Variants in PEA15 observed in about 807,000 individuals in gnomAD.
PEA15 encodes proliferation and apoptosis adaptor protein 15.
For synonymous variants in PEA15, 60 were observed against 61.8 expected (o/e 0.97, Z 0.13); for missense variants, 77 against 161.3 (o/e 0.48, Z 2.83).
At chr1:160,209,852 GC>G (rs1015128357) in intron 1 of PEA15, among the ~76,000 whole-genome samples, 5 of 152,234 alleles carry the variant, frequency 3.3e-5, no homozygotes, top group Admixed American at 6.5e-5. Context: ...AGAGCTTGCT[GC>G]TGTGACCTAG....
intron 1 of PEA15, among the ~76,000 whole-genome samples, chr1:160,210,103 T>C (rs1205485796): frequency 6.6e-6 from 1 of 152,204 alleles, no homozygotes; most frequent in Non-Finnish European, 1.5e-5. Context: ...GGTAGGGGGC[T>C]GGGAATGGGG....
At chr1:160,211,450 G>A in intron 1 of PEA15, 93 bp from the exon 2 acceptor site, 3 of 1,420,312 alleles carry the variant, frequency 2.1e-6, no homozygotes, top group Non-Finnish European at 2.8e-6. Context: ...GCCTGGTAGG[G>A]CAGAGTGGGG....
chr1:160,208,604 C>T lies in PEA15; in HGVS notation c.-2-2939C>T, dbSNP rs1461465339. 1 of 1,550,406 alleles carries T rather than the reference C, an allele frequency of 6.4e-7. No individual in the cohort carries two copies. Among genetic ancestry groups the T allele is most frequent in the Non-Finnish European group, 8.7e-7 (1 of 1,146,808 alleles). Reference sequence around the variant, plus strand: ...TCTGAATCTCTGGTGAGGAAAGTGACATGGAGGATGAAGGAAACAAGCTCT... The same window carrying T: ...TCTGAATCTCTGGTGAGGAAAGTGATATGGAGGATGAAGGAAACAAGCTCT... On this transcript the variant is annotated intron_variant, in intron 1 of 3. Coordinates refer to ENST00000360472, the MANE Select transcript of PEA15 (RefSeq NM_003768.5). The surrounding 1 kb of genome is among the most constrained non-coding windows in gnomAD (Gnocchi z 4.1).
Position 160,213,165 on chromosome 1 carries a change from C to T in PEA15, c.228C>T (p.Leu76=). 6.2e-7 allele frequency: 1 copy of T among 1,614,172 alleles called. No homozygotes were observed. Among genetic ancestry groups the T allele is most frequent in the East Asian group, 2.2e-5 (1 of 44,882 alleles). The change falls in exon 3 of 4, where the codon CTC becomes CTT. Residue 76 remains leucine (L), a synonymous_variant. Coordinates refer to ENST00000360472, the MANE Select transcript of PEA15 (RefSeq NM_003768.5). The surrounding 1 kb of genome is among the most constrained non-coding windows in gnomAD (Gnocchi z 5.3). Reference sequence around the variant, plus strand: ...AGATCTCCCGCCGTCCTGACCTACTCACTATGGTGGTTGACTACAGAACCC... The same window carrying T: ...AGATCTCCCGCCGTCCTGACCTACTTACTATGGTGGTTGACTACAGAACCC... The part of the protein sequence containing the change: ...IFEISRRPDL[L]TMVVDYRTRV...
chr1:160,207,179 A>C (rs1654635984), intron 1 of PEA15: 1 of 152,650 alleles, frequency 6.6e-6, no homozygotes, highest in Non-Finnish European at 1.5e-5. Context: ...TCAGATGGGG[A>C]CAGTGAAGCA....
chr1:160,208,773 G>C lies in PEA15; in HGVS notation c.-2-2770G>C. The C allele has an allele frequency of 1.1e-6, 1 of 942,736 alleles. No homozygotes were observed. Among genetic ancestry groups the C allele is most frequent in the Non-Finnish European group, 1.7e-6 (1 of 605,716 alleles). 58.4% of individuals were successfully genotyped at this position (942,736 alleles called of 1,614,324 possible). A position where few individuals can be genotyped will look rare whatever the true frequency, so the allele number is the denominator to read the frequency against. On this transcript the variant is annotated intron_variant, in intron 1 of 3. Transcript: ENST00000360472. The surrounding 1 kb of genome is among the most constrained non-coding windows in gnomAD (Gnocchi z 4.1). ...GCAAATGGATCTCTCCAAGAAGGGA[G>C]GCAACTGGGCTGCCTTTCCTTGTAC...
chr1:160,209,458 C>T (rs1197525560), intron 1 of PEA15, among the ~76,000 whole-genome samples: 2 of 152,094 alleles, frequency 1.3e-5, no homozygotes, highest in East Asian at 1.9e-4. Flanking sequence ...TTCCCGCCTA[C>T]CTCCTCTGTA....
Position 160,208,884 on chromosome 1 carries a change from G to A in PEA15, c.-2-2659G>A, listed in dbSNP as rs1462993281. 4.7e-5 allele frequency: 26 copies of A among 551,240 alleles called. 1 individual carries two copies. Among genetic ancestry groups the A allele is most frequent in the Non-Finnish European group, 7.1e-5 (22 of 308,562 alleles). The allele number at this position is 551,240 out of a possible 1,614,324, so 34.1% of individuals were successfully genotyped here. On this transcript the variant is annotated intron_variant, in intron 1 of 3. Transcript: ENST00000360472. This position sits in a 1 kb window ranked among gnomAD's most constrained non-coding sequence, Gnocchi z 4.1. ...TCCCATCTAGTGGTGTCATCCTAAC[G>A]ACTGGGGGTGGGGGGCACCCAGAAC...
rs1654515143 is a variant in PEA15, at chr1:160,205,434, C to CGGCGGCGGGAGCCGAGGA, written c.-86_-85insCGGGAGCCGAGGAGGCGG. ...GCGGCGGCAGAAGCGGCGGCGGCGG[C>CGGCGGCGGGAGCCGAGGA]GGCGGGAGCCGAGGAGGAGGTTCCG... On this transcript the variant is annotated 5_prime_UTR_variant, in exon 1 of 4. Transcript: ENST00000360472. This position sits in a 1 kb window ranked among gnomAD's most constrained non-coding sequence, Gnocchi z 5.9. 5.3e-6 allele frequency: 1 copy of CGGCGGCGGGAGCCGAGGA among 190,068 alleles called. No homozygotes were observed. Among genetic ancestry groups the CGGCGGCGGGAGCCGAGGA allele is most frequent in the Non-Finnish European group, 1.0e-5 (1 of 96,744 alleles). The allele number at this position is 190,068 out of a possible 1,614,324, so 11.8% of individuals were successfully genotyped here.
Position 160,213,813 on chromosome 1 carries a change from A to AT in PEA15, c.*328dup. 1 of 316,498 alleles carries AT rather than the reference A, an allele frequency of 3.2e-6. No homozygotes were observed. Among genetic ancestry groups the AT allele is most frequent in the Non-Finnish European group, 6.0e-6 (1 of 165,924 alleles). 19.6% of individuals were successfully genotyped at this position (316,498 alleles called of 1,614,324 possible). ...TACTTCCCTTTCCTCCACTCCCCCC[A>AT]TATCTTTAAAGTGTGGAAGCAGAAA... On this transcript the variant is annotated 3_prime_UTR_variant, in exon 4 of 4. Transcript: ENST00000360472. This position sits in a 1 kb window ranked among gnomAD's most constrained non-coding sequence, Gnocchi z 5.3.
intron 1 of PEA15, chr1:160,206,137 TATACAC>T (rs1429044398): frequency 1.3e-5 from 2 of 152,434 alleles, no homozygotes; most frequent in East Asian, 1.9e-4. Context: ...CCATGTGACT[TATACAC>T]ATAGTCTAGC....
At chr1:160,206,807 A>G (rs1654612181) in intron 1 of PEA15, among the ~76,000 whole-genome samples, 1 of 152,152 alleles carries the variant, frequency 6.6e-6, no homozygotes, top group African/African-American at 2.4e-5. Flanking sequence ...GGAGTTAGGG[A>G]AAGTGGTACG....
Position 160,213,519 on chromosome 1 carries a change from TTCA to T in PEA15, c.*37_*39del, listed in dbSNP as rs1242858153. On this transcript the variant is annotated 3_prime_UTR_variant, in exon 4 of 4. Coordinates refer to ENST00000360472, the MANE Select transcript of PEA15 (RefSeq NM_003768.5). This position sits in a 1 kb window ranked among gnomAD's most constrained non-coding sequence, Gnocchi z 5.3. ...GGAGGAAGAGGAGGAAGGTTGGACC[TTCA>T]TCAGACCACTCCCTTCCCCCATCCT... 3 of 1,590,192 alleles carry T rather than the reference TTCA, an allele frequency of 1.9e-6. No homozygotes were observed. The African/African-American group carries it at 4.0e-5, about 21-fold the overall frequency.
chr1:160,207,557 G>T (rs1035353614), intron 1 of PEA15, among the ~76,000 whole-genome samples: 1 of 152,080 alleles, frequency 6.6e-6, no homozygotes, highest in African/African-American at 2.4e-5. Flanking sequence ...ATGCCCAAAG[G>T]TAATCCATTT....
Position 160,208,886 on chromosome 1 carries a change from C to T in PEA15, c.-2-2657C>T, listed in dbSNP as rs1254222092. The T allele has an allele frequency of 3.1e-5, 17 of 550,736 alleles. No homozygotes were observed. The highest frequency in any genetic ancestry group is 2.8e-4 in the African/African-American group (15 of 52,934). 34.1% of individuals were successfully genotyped at this position (550,736 alleles called of 1,614,324 possible). On this transcript the variant is annotated intron_variant, in intron 1 of 3. Transcript: ENST00000360472. The surrounding 1 kb of genome is among the most constrained non-coding windows in gnomAD (Gnocchi z 4.1). Reference sequence around the variant, plus strand: ...CCATCTAGTGGTGTCATCCTAACGACTGGGGGTGGGGGGCACCCAGAACTG... The same window carrying T: ...CCATCTAGTGGTGTCATCCTAACGATTGGGGGTGGGGGGCACCCAGAACTG...
chr1:160,213,651 T>C lies in PEA15; in HGVS notation c.*165T>C, dbSNP rs938953616. ...GTGCGTGTGCGCACGCTCTGGCTGTTTGTCTATATGTCTAGCTCATCTAGT... is the reference window on the plus strand; with the variant it reads ...GTGCGTGTGCGCACGCTCTGGCTGTCTGTCTATATGTCTAGCTCATCTAGT... On this transcript the variant is annotated 3_prime_UTR_variant, in exon 4 of 4. Transcript: ENST00000360472. This position sits in a 1 kb window ranked among gnomAD's most constrained non-coding sequence, Gnocchi z 5.3. The C allele has an allele frequency of 1.5e-5, 9 of 589,952 alleles. No individual in the cohort carries two copies. Among genetic ancestry groups the C allele is most frequent in the African/African-American group, 1.3e-4 (7 of 53,606 alleles). 36.5% of individuals were successfully genotyped at this position (589,952 alleles called of 1,614,324 possible). A position where few individuals can be genotyped will look rare whatever the true frequency, so the allele number is the denominator to read the frequency against.
Position 160,213,301 on chromosome 1 carries a change from C to T in PEA15, c.328+36C>T. On this transcript the variant is annotated intron_variant, in intron 3 of 3. Coordinates refer to ENST00000360472, the MANE Select transcript of PEA15 (RefSeq NM_003768.5). The surrounding 1 kb of genome is among the most constrained non-coding windows in gnomAD (Gnocchi z 5.3). ...ACTCCTTTAACTAGCTGCACCTCTG[C>T]CTCGTCCCGTTGACTATCCTTGGAG... is the stretch of plus-strand genomic sequence containing the variant. 1 of 1,613,964 alleles carries T rather than the reference C, an allele frequency of 6.2e-7. No individual in the cohort carries two copies. The highest frequency in any genetic ancestry group is 8.5e-7 in the Non-Finnish European group (1 of 1,179,820).
chr1:160,209,812 T>G (rs1479207276), intron 1 of PEA15, among the ~76,000 whole-genome samples: 2 of 152,124 alleles, frequency 1.3e-5, no homozygotes, highest in Non-Finnish European at 2.9e-5. Context: ...TGTCCTTGGA[T>G]TATCAGTGAA....
Position 160,212,801 on chromosome 1 carries a change from A to G in PEA15, c.173-309A>G, listed in dbSNP as rs555742424. On this transcript the variant is annotated intron_variant, in intron 2 of 3. Coordinates refer to ENST00000360472, the MANE Select transcript of PEA15 (RefSeq NM_003768.5). ...GTGGGGGTGGGGTATCTGGAAGTCA[A>G]GTTGATTTTTCTTTTGTCCCCTCCC... 5.9e-5 allele frequency among the ~76,000 whole-genome samples: 9 copies of G among 152,052 alleles called. No homozygotes were observed. The South Asian group carries it at 1.9e-3, about 32-fold the overall frequency.
Sources: gnomAD v4.1 joint callset for allele counts (sites outside exome capture counted in the v4.1 genomes callset) on GRCh38, gnomAD v4.1.1 for gene constraint, Gnocchi (gnomAD v3.1) non-coding constraint, MANE v1.5 for transcripts, NCBI Gene and HGNC (gene_info 2026-07-23, HGNC 2026-07-21) for gene names.